METAP2: variants seen among roughly 807,000 people sequenced by gnomAD.
METAP2 encodes the protein methionyl aminopeptidase 2.
METAP2 carries 25 observed loss-of-function variants against 59.4 expected under a neutral mutation model. That is an observed-to-expected ratio of 0.42 (90% confidence interval 0.31 to 0.59). The LOEUF (loss-of-function observed/expected upper bound fraction) is 0.59. Ranked by LOEUF, METAP2 falls within the 20% of genes least tolerant of loss-of-function variation. The pLI is 0.16. For missense variants in METAP2, 366 were observed against 581.2 expected, an observed-to-expected ratio of 0.63 and a Z score of 3.81; for synonymous variants, 214 against 194.1, an observed-to-expected ratio of 1.10 and a Z score of -0.85.
rs537119415 is a variant in METAP2 at position 95,488,511 on chromosome 12, CAAAAA to C, written c.428+2554_428+2558del. ...GTGACAGAGCGAGACTTTGTCTCACCAAAAAAAAAAAAAAAAAAAAAAAAAAAATA... is the reference window on the plus strand; with the variant it reads ...GTGACAGAGCGAGACTTTGTCTCACCAAAAAAAAAAAAAAAAAAAAAAATA... On this transcript the variant is annotated intron_variant, in intron 4 of 10. Coordinates refer to ENST00000323666, the MANE Select transcript of METAP2 (RefSeq NM_006838.4). Among the ~76,000 whole-genome samples, 699 of 76,502 alleles carry C rather than the reference CAAAAA, an allele frequency of 9.1e-3. 3 individuals carry two copies. Among genetic ancestry groups the C allele is most frequent in the African/African-American group, 0.034 (670 of 19,844 alleles). The allele number at this position is 76,502 out of a possible 152,430, so 50.2% of individuals were successfully genotyped here. A position where few individuals can be genotyped will look rare whatever the true frequency, so the allele number is the denominator to read the frequency against.
At chr12:95,477,673 TGC>T (rs2076130384) in intron 2 of METAP2, among the ~76,000 whole-genome samples, 1 of 152,220 alleles carries the variant, frequency 6.6e-6, no homozygotes, top group Non-Finnish European at 1.5e-5. Context: ...TGAGAACATC[TGC>T]TCCCCCTCAA....
At chr12:95,507,517 G>A (rs2076370486) in intron 8 of METAP2, among the ~76,000 whole-genome samples, 1 of 152,208 alleles carries the variant, frequency 6.6e-6, no homozygotes, top group African/African-American at 2.4e-5. Flanking sequence ...CTATTCTTAT[G>A]TTTTTATCTC....
intron 7 of METAP2, among the ~76,000 whole-genome samples, chr12:95,502,107 ATCC>A (rs1386564085): frequency 6.6e-6 from 1 of 151,692 alleles, no homozygotes; most frequent in East Asian, 1.9e-4. Flanking sequence ...GGCTCAGGAA[ATCC>A]TCCCACCTCA....
At chr12:95,483,356 A>T in intron 3 of METAP2, 76 bp downstream of exon 3, 1 of 1,143,098 alleles carries the variant, frequency 8.7e-7, no homozygotes. Flanking sequence ...CACACCTGTG[A>T]TCCCAGCTAC....
intron 4 of METAP2, among the ~76,000 whole-genome samples, chr12:95,489,092 TG>T (rs1167481368): frequency 1.3e-5 from 2 of 152,218 alleles, no homozygotes; most frequent in Non-Finnish European, 1.5e-5. Flanking sequence ...TTATGGTTTT[TG>T]TTAGTGATGT....
chr12:95,496,200 G>T lies in METAP2; in HGVS notation c.867+102G>T, dbSNP rs951076945. 1.0e-4 allele frequency: 67 copies of T among 650,208 alleles called. No individual in the cohort carries two copies. In the African/African-American group the frequency reaches 1.1e-3, roughly 11 times the overall value. The allele number at this position is 650,208 out of a possible 1,614,324, so 40.3% of individuals were successfully genotyped here. A position where few individuals can be genotyped will look rare whatever the true frequency, so the allele number is the denominator to read the frequency against. ...AAGCACTTTTAAGGCCTGTTTAAGG[G>T]CTTTGGGTAATTAAGAGGAATAAAA... On this transcript the variant is annotated intron_variant, in intron 7 of 10. Coordinates refer to ENST00000323666, the MANE Select transcript of METAP2 (RefSeq NM_006838.4).
Position 95,504,165 on chromosome 12 carries a change from T to C in METAP2, c.964+4T>C. ...ATAGATGGGAAGACATATCAAGGTA[T>C]GTTCTTTTAAAATATATCTTATTTT... On this transcript the variant is annotated splice_donor_region_variant and intron_variant, in intron 8 of 10. Coordinates refer to ENST00000323666, the MANE Select transcript of METAP2 (RefSeq NM_006838.4). 1.3e-6 allele frequency: 2 copies of C among 1,564,720 alleles called. No individual in the cohort carries two copies. The highest frequency in any genetic ancestry group is 1.8e-6 in the Non-Finnish European group (2 of 1,140,300).
Position 95,501,445 on chromosome 12 carries a change from C to T in METAP2, c.868-2620C>T, listed in dbSNP as rs117495402. On this transcript the variant is annotated intron_variant, in intron 7 of 10. Transcript: ENST00000323666. The stretch of plus-strand genomic sequence containing the variant: ...GAATAAAAATAATTTTGGCCGCGCG[C>T]GGTGGCTCATGCCTGTAATCCCAGC... Among the ~76,000 whole-genome samples, 25 of 152,254 alleles carry T rather than the reference C, an allele frequency of 1.6e-4. No homozygotes were observed. The East Asian group carries it at 4.1e-3, about 25-fold the overall frequency.
chr12:95,492,376 T>C (rs1370856620), intron 4 of METAP2, among the ~76,000 whole-genome samples: 1 of 151,926 alleles, frequency 6.6e-6, no homozygotes. Flanking sequence ...TTAGTAAAGG[T>C]GTGTTGAGGC....
chr12:95,513,090 T>TACAC (rs60788079), intron 10 of METAP2, among the ~76,000 whole-genome samples, 174 bp downstream of exon 10: 17,441 of 135,976 alleles, frequency 0.13, 1,150 homozygotes, highest in South Asian at 0.2. Context: ...AGATAAAAAT[T>TACAC]ACACACACAC....
At chr12:95,477,275 T>C (rs2076127346) in intron 2 of METAP2, among the ~76,000 whole-genome samples, 1 of 152,070 alleles carries the variant, frequency 6.6e-6, no homozygotes, top group African/African-American at 2.4e-5. Flanking sequence ...TTTTTTTGTA[T>C]CTTTAGTAGA....
chr12:95,512,487 C>T (rs975191710), intron 9 of METAP2, among the ~76,000 whole-genome samples: 3 of 152,182 alleles, frequency 2.0e-5, no homozygotes, highest in African/African-American at 7.2e-5. Context: ...GCAGGCAGAT[C>T]ACCTGAGTGA....
chr12:95,476,253 TC>T, intron 2 of METAP2, 75 bp downstream of exon 2: 1 of 925,242 alleles, frequency 1.1e-6, no homozygotes, highest in Non-Finnish European at 1.6e-6. Context: ...ACACCTGTAA[TC>T]CCAGCACTTT....
intron 5 of METAP2, 148 bp from the exon 6 acceptor site, chr12:95,494,809 T>C (rs1190118564): frequency 3.7e-6 from 2 of 535,286 alleles, no homozygotes; most frequent in African/African-American, 1.9e-5. Context: ...AGAACTGTTA[T>C]TTATTTATAT....
intron 4 of METAP2, among the ~76,000 whole-genome samples, chr12:95,491,694 T>C (rs141764982): frequency 2.6e-5 from 4 of 152,234 alleles, no homozygotes; most frequent in Non-Finnish European, 5.9e-5. Flanking sequence ...GTATTTTTAG[T>C]AGAAACAGGG....
chr12:95,486,733 G>A (rs914169074), intron 4 of METAP2, among the ~76,000 whole-genome samples: 1 of 152,116 alleles, frequency 6.6e-6, no homozygotes, highest in African/African-American at 2.4e-5. Context: ...CCAACCTCAG[G>A]TGATCCGCCC....
chr12:95,483,070 C>G (rs2076170500), intron 2 of METAP2, 145 bp from the exon 3 acceptor site: 9 of 706,686 alleles, frequency 1.3e-5, no homozygotes, highest in Non-Finnish European at 2.2e-5. Flanking sequence ...TTTCTTATTT[C>G]AGTGAAAGAA....
chr12:95,475,829 TG>T (rs973399178), intron 1 of METAP2, among the ~76,000 whole-genome samples: 6 of 99,336 alleles, frequency 6.0e-5, no homozygotes, highest in South Asian at 6.3e-4. Flanking sequence ...CAGTTCACGC[TG>T]TTTATCTTTT....
intron 2 of METAP2, among the ~76,000 whole-genome samples, chr12:95,482,868 G>A (rs1338558119): frequency 1.3e-5 from 2 of 152,154 alleles, no homozygotes; most frequent in African/African-American, 2.4e-5. Flanking sequence ...TTCAACCCAC[G>A]TAAGTCCTAG....
Sources: gnomAD v4.1 joint callset for allele counts (sites outside exome capture counted in the v4.1 genomes callset) on GRCh38, gnomAD v4.1.1 for gene constraint, MANE v1.5 for transcripts, NCBI Gene and HGNC (gene_info 2026-07-23, HGNC 2026-07-21) for gene names.